Variants in EYA2 observed in about 807,000 individuals in gnomAD.
The protein encoded by EYA2 is protein phosphatase EYA2.
In EYA2, 31 loss-of-function variants were observed where a neutral mutation model predicts 69.2. That is an observed-to-expected ratio of 0.45 (90% CI 0.34 to 0.60). The LOEUF is 0.60. EYA2 is among the 20% of genes least tolerant of loss of function. The probability of loss-of-function intolerance (pLI) is 0.02; values close to 1 mark genes in which losing one functional copy is unlikely to be tolerated. For synonymous variants in EYA2, 257 were observed against 279.4 expected, an observed-to-expected ratio of 0.92 and a Z score of 0.80; for missense variants, 622 against 701.2, an observed-to-expected ratio of 0.89 and a Z score of 1.28.
chr20:47,073,130 G>A lies in EYA2; in HGVS notation c.483+878G>A, dbSNP rs1026205663. Among the ~76,000 whole-genome samples the A allele has an allele frequency of 9.9e-5, 15 of 152,080 alleles. 1 individual carries two copies. The highest frequency in any genetic ancestry group is 2.4e-4 in the African/African-American group (10 of 41,498). Reference sequence around the variant, plus strand: ...TTTTTCAAAAACACTGACCACCCCCGCAACCCCCACCCCCAGGAACTCTGA... The same window carrying A: ...TTTTTCAAAAACACTGACCACCCCCACAACCCCCACCCCCAGGAACTCTGA... On this transcript the variant is annotated intron_variant, in intron 6 of 15. Coordinates refer to ENST00000327619, the MANE Select transcript of EYA2 (RefSeq NM_005244.5).
chr20:47,058,702 T>C (rs1219947085), intron 5 of EYA2, among the ~76,000 whole-genome samples: 3 of 152,116 alleles, frequency 2.0e-5, no homozygotes, highest in Non-Finnish European at 4.4e-5. Flanking sequence ...TATCCAGGTA[T>C]GGTGGTGCAC....
At chr20:47,130,814 G>C (rs1326778428) in intron 9 of EYA2, among the ~76,000 whole-genome samples, 2 of 152,166 alleles carry the variant, frequency 1.3e-5, no homozygotes, top group African/African-American at 4.8e-5. Flanking sequence ...CAAAGCCCGG[G>C]CGAGGTGGCT....
Position 47,050,870 on chromosome 20 carries a change from C to A in EYA2, c.416-21315C>A, listed in dbSNP as rs79197334. Among the ~76,000 whole-genome samples the A allele has an allele frequency of 5.6e-3, 854 of 152,362 alleles. 54 individuals carry two copies. In the East Asian group the frequency reaches 0.15, roughly 26 times the overall value. On this transcript the variant is annotated intron_variant, in intron 5 of 15. Coordinates refer to ENST00000327619, the MANE Select transcript of EYA2 (RefSeq NM_005244.5). Reference sequence around the variant, plus strand: ...AAAGCGTAGCGCTCCAGCAGGCATACCTGAGAACCTTGCAGCGTTTTACGA... The same window carrying A: ...AAAGCGTAGCGCTCCAGCAGGCATAACTGAGAACCTTGCAGCGTTTTACGA...
chr20:47,179,027 C>T (rs1333219177), intron 12 of EYA2, among the ~76,000 whole-genome samples: 1 of 152,042 alleles, frequency 6.6e-6, no homozygotes, highest in Non-Finnish European at 1.5e-5. Flanking sequence ...ATGTTAAAAG[C>T]AGAGCCCTGC....
intron 15 of EYA2, among the ~76,000 whole-genome samples, chr20:47,187,758 A>G (rs1248801511): frequency 6.6e-6 from 1 of 152,244 alleles, no homozygotes; most frequent in Admixed American, 6.5e-5. Context: ...ACACCATGTC[A>G]GTGCACCGCC....
At chr20:47,101,000 A>G (rs1202856961) in intron 9 of EYA2, among the ~76,000 whole-genome samples, 1 of 152,238 alleles carries the variant, frequency 6.6e-6, no homozygotes, top group Admixed American at 6.5e-5. Flanking sequence ...CCATGTCTGC[A>G]TTCCAGCCAG....
At chr20:47,031,822 G>A (rs1984435200) in intron 5 of EYA2, among the ~76,000 whole-genome samples, 1 of 152,112 alleles carries the variant, frequency 6.6e-6, no homozygotes, top group South Asian at 2.1e-4. Flanking sequence ...CAGGGGCAGG[G>A]GTGGGGGAAG....
chr20:47,023,513 T>C (rs566153584), intron 5 of EYA2, among the ~76,000 whole-genome samples: 2 of 152,282 alleles, frequency 1.3e-5, no homozygotes, highest in Admixed American at 1.3e-4. Context: ...TCCACACCAC[T>C]ACCTCCCACT....
In EYA2 at chr20:47,169,174, A is replaced by G. The variant is rs1224773229; in HGVS notation, c.1014A>G (p.Ser338=). The change falls in exon 11 of 16, where the codon TCA becomes TCG. Residue 338 remains serine (S), a synonymous_variant. Coordinates refer to ENST00000327619, the MANE Select transcript of EYA2 (RefSeq NM_005244.5). ...CDQIHVDDVS[S]DDNGQDLSTY... ...AGATCCACGTTGATGACGTCTCATC[A>G]GATGACAATGGCCAAGATTTAAGGT... is the stretch of plus-strand genomic sequence containing the variant. 6.2e-7 allele frequency: 1 copy of G among 1,614,120 alleles called. No homozygotes were observed. Among genetic ancestry groups the G allele is most frequent in the Admixed American group, 1.7e-5 (1 of 60,024 alleles).
At chr20:46,955,873 A>G (rs138692062) in intron 1 of EYA2, among the ~76,000 whole-genome samples, 389 of 152,336 alleles carry the variant, frequency 2.6e-3, no homozygotes, top group Non-Finnish European at 3.6e-3. Flanking sequence ...GCCAGATAGT[A>G]AATATTTATA....
At chr20:47,096,241 A>G (rs927789131) in intron 8 of EYA2, among the ~76,000 whole-genome samples, 1 of 152,214 alleles carries the variant, frequency 6.6e-6, no homozygotes, top group Non-Finnish European at 1.5e-5. Context: ...AGACAATGCA[A>G]TCTTAGCATA....
intron 1 of EYA2, among the ~76,000 whole-genome samples, chr20:46,903,592 T>G (rs1372362702): frequency 1.3e-5 from 2 of 152,198 alleles, no homozygotes; most frequent in East Asian, 3.8e-4. Flanking sequence ...ACTCCTGCGT[T>G]TAACTTGGGG....
chr20:47,125,287 C>T (rs1440065778), intron 9 of EYA2, among the ~76,000 whole-genome samples: 1 of 151,966 alleles, frequency 6.6e-6, no homozygotes, highest in Admixed American at 6.6e-5. Context: ...GATCTCCTGA[C>T]CTCGTGATCC....
intron 5 of EYA2, among the ~76,000 whole-genome samples, chr20:47,034,592 G>A (rs1267321949): frequency 6.6e-6 from 1 of 152,186 alleles, no homozygotes; most frequent in Non-Finnish European, 1.5e-5. Flanking sequence ...TCAGAGGCCA[G>A]GCTATCCTTG....
At chr20:47,161,499 T>A in intron 10 of EYA2, 1 of 447,130 alleles carries the variant, frequency 2.2e-6, no homozygotes, top group South Asian at 1.7e-5. Context: ...CTCCAGGAAC[T>A]TGATCTTCAT....
At chr20:47,028,654 C>T (rs1984231081) in intron 5 of EYA2, among the ~76,000 whole-genome samples, 1 of 152,232 alleles carries the variant, frequency 6.6e-6, no homozygotes, top group Non-Finnish European at 1.5e-5. Context: ...GAGAGATGGA[C>T]AATAATCCAA....
intron 1 of EYA2, among the ~76,000 whole-genome samples, chr20:46,908,143 G>A (rs2146219516): frequency 6.6e-6 from 1 of 152,258 alleles, no homozygotes; most frequent in Admixed American, 6.5e-5. Flanking sequence ...CACCTGCTGT[G>A]TGCCAGGCCC....
In EYA2 at chr20:47,043,656, T is replaced by C. The variant is rs191167133; in HGVS notation, c.415+27359T>C. Among the ~76,000 whole-genome samples, 11 of 152,300 alleles carry C rather than the reference T, an allele frequency of 7.2e-5. No homozygotes were observed. In the East Asian group the frequency reaches 1.5e-3, roughly 21 times the overall value. On this transcript the variant is annotated intron_variant, in intron 5 of 15. Transcript: ENST00000327619. ...CTCTCTGTTCCACAGTATCTTTGTC[T>C]ATAAAATGGGCTGATGATAATACGC... is the stretch of plus-strand genomic sequence containing the variant.
chr20:47,105,098 G>A (rs1359584731), intron 9 of EYA2, among the ~76,000 whole-genome samples: 2 of 152,154 alleles, frequency 1.3e-5, no homozygotes, highest in Non-Finnish European at 2.9e-5. Flanking sequence ...AGATCTGTAT[G>A]TATGCCCTTA....
Sources: allele counts gnomAD v4.1 joint callset (sites outside exome capture counted in the v4.1 genomes callset), GRCh38; gene constraint gnomAD v4.1.1; transcripts MANE v1.5; gene names NCBI Gene and HGNC (gene_info 2026-07-23, HGNC 2026-07-21).